Variants in GRK4 observed in about 807,000 individuals in gnomAD.
GRK4 encodes G protein-coupled receptor kinase 4.
GRK4 carries 73 observed loss-of-function variants against 77.9 expected under a neutral mutation model. That is an observed-to-expected ratio of 0.94 (90% CI 0.78 to 1.14). GRK4 has a LOEUF of 1.14. Among genes scored for constraint, GRK4 ranks in the 50% most tolerant of loss-of-function variants. GRK4 has a pLI of 0.00. For missense variants in GRK4, 729 were observed against 700.2 expected, an observed-to-expected ratio of 1.04 and a Z score of -0.46; for synonymous variants, 257 against 254.4, an observed-to-expected ratio of 1.01 and a Z score of -0.10.
intron 1 of GRK4, among the ~76,000 whole-genome samples, chr4:2,976,619 TTTTC>T (rs1161611606): frequency 4.0e-5 from 6 of 151,472 alleles, no homozygotes; most frequent in Middle Eastern, 3.4e-3. Flanking sequence ...CAAGCTTGAA[TTTTC>T]TTTCTTTCTT....
At chr4:3,032,531 C>T (rs1387057520) in intron 12 of GRK4, among the ~76,000 whole-genome samples, 5 of 152,220 alleles carry the variant, frequency 3.3e-5, no homozygotes, top group Non-Finnish European at 7.4e-5. Flanking sequence ...TGGATAGAAA[C>T]AAAGGCTCAG....
chr4:2,980,014 G>C lies in GRK4; in HGVS notation c.53-4499G>C, dbSNP rs137930588. ...GTTATTTTAGACACTCCTCCTAATGGTTCTTATCTCAGACATGTAAGCAAG... is the reference window on the plus strand; with the variant it reads ...GTTATTTTAGACACTCCTCCTAATGCTTCTTATCTCAGACATGTAAGCAAG... On this transcript the variant is annotated intron_variant, in intron 1 of 15. Coordinates refer to ENST00000398052, the MANE Select transcript of GRK4 (RefSeq NM_182982.3). Among the ~76,000 whole-genome samples the C allele has an allele frequency of 7.2e-5, 11 of 152,308 alleles. No individual in the cohort carries two copies. The East Asian group carries it at 9.6e-4, about 13-fold the overall frequency.
At chr4:2,975,357 T>G (rs961101675) in intron 1 of GRK4, among the ~76,000 whole-genome samples, 1 of 152,108 alleles carries the variant, frequency 6.6e-6, no homozygotes, top group African/African-American at 2.4e-5. Context: ...CAGACGTGGC[T>G]CCTCAGGATT....
chr4:2,964,000 C>G lies in GRK4; in HGVS notation c.-71C>G, dbSNP rs1477204722. The G allele has an allele frequency of 2.2e-6, 3 of 1,376,170 alleles. No homozygotes were observed. In the African/African-American group the frequency reaches 4.2e-5, roughly 19 times the overall value. The allele number at this position is 1,376,170 out of a possible 1,614,324, so 85.2% of individuals were successfully genotyped here. On this transcript the variant is annotated 5_prime_UTR_variant, in exon 1 of 16. Coordinates refer to ENST00000398052, the MANE Select transcript of GRK4 (RefSeq NM_182982.3). The stretch of plus-strand genomic sequence containing the variant: ...GGCGAGCTATGCACGGGGGCGGCGG[C>G]GTCTCCTCCTGTTCCGCCTCCTCAG...
At chr4:3,026,229 A>G (rs1364063007) in intron 10 of GRK4, among the ~76,000 whole-genome samples, 1 of 152,206 alleles carries the variant, frequency 6.6e-6, no homozygotes, top group Non-Finnish European at 1.5e-5. Context: ...CCAGCAGTGC[A>G]CGAGAGCACC....
chr4:3,011,988 C>A (rs569306481), intron 7 of GRK4, among the ~76,000 whole-genome samples: 4 of 152,308 alleles, frequency 2.6e-5, no homozygotes, highest in Non-Finnish European at 4.4e-5. Context: ...GCAGCGTGAT[C>A]TTGGGCCCGC....
intron 5 of GRK4, among the ~76,000 whole-genome samples, chr4:3,007,385 G>A (rs990753253): frequency 1.3e-5 from 2 of 152,190 alleles, no homozygotes; most frequent in Non-Finnish European, 2.9e-5. Context: ...GCTGAAGCCG[G>A]ACTTGCAGTG....
intron 7 of GRK4, among the ~76,000 whole-genome samples, chr4:3,010,471 C>T (rs1046010228): frequency 2.0e-5 from 3 of 152,174 alleles, no homozygotes; most frequent in Admixed American, 6.5e-5. Context: ...GGGTGATCCG[C>T]CCTCCTCAGC....
intron 7 of GRK4, among the ~76,000 whole-genome samples, chr4:3,012,384 A>G (rs1484688761): frequency 6.6e-6 from 1 of 152,226 alleles, no homozygotes; most frequent in Non-Finnish European, 1.5e-5. Flanking sequence ...CAGGGTATGT[A>G]TTCTTGCATA....
chr4:2,978,762 T>TG (rs1344386840), intron 1 of GRK4, among the ~76,000 whole-genome samples: 1 of 151,872 alleles, frequency 6.6e-6, no homozygotes, highest in Non-Finnish European at 1.5e-5. Flanking sequence ...TTGGGCAACA[T>TG]GGCAAGATCT....
At chr4:3,028,775 CT>C (rs35200515) in intron 11 of GRK4, among the ~76,000 whole-genome samples, 126 of 147,332 alleles carry the variant, frequency 8.6e-4, no homozygotes, top group East Asian at 6.1e-3. Context: ...AATTTCACAA[CT>C]TTTTTTTTTT....
chr4:3,004,381 C>A lies in GRK4; in HGVS notation c.443+47C>A, dbSNP rs149894011. 2.3e-3 allele frequency: 2,708 copies of A among 1,176,346 alleles called. 9 individuals carry two copies. Among genetic ancestry groups the A allele is most frequent in the Non-Finnish European group, 2.4e-3 (1,939 of 791,818 alleles). 72.9% of individuals were successfully genotyped at this position (1,176,346 alleles called of 1,614,324 possible). A position where few individuals can be genotyped will look rare whatever the true frequency, so the allele number is the denominator to read the frequency against. ...CTGCATATATTATCTATGACTAACC[C>A]CAAAACAGACAGCTTTCAGGAGGTT... On this transcript the variant is annotated intron_variant, in intron 5 of 15. Transcript: ENST00000398052.
At position 2,984,570 on chromosome 4, in the gene GRK4, C is replaced by A; in HGVS notation, c.110C>A (p.Pro37His). The A allele has an allele frequency of 6.2e-7, 1 of 1,612,742 alleles. No homozygotes were observed. Residue 37 changes from proline (P) to histidine (H), a missense_variant, in exon 2 of 16, where the codon CCT (proline) becomes CAT (histidine). Transcript: ENST00000398052. ...SKKWKEILTL[P>H]PVSQCSELRH... ...AAATGGAAGGAGATACTGACACTGC[C>A]TCCTGTCAGCCAGTGCAGTGAGCTT...
At chr4:3,011,911 T>C (rs529961785) in intron 7 of GRK4, among the ~76,000 whole-genome samples, 4 of 152,358 alleles carry the variant, frequency 2.6e-5, no homozygotes, top group South Asian at 2.1e-4. Flanking sequence ...CCACAGACTG[T>C]AGTGGAAAGA....
At chr4:3,003,106 A>G (rs1452494808) in intron 4 of GRK4, among the ~76,000 whole-genome samples, 4 of 152,158 alleles carry the variant, frequency 2.6e-5, no homozygotes, top group African/African-American at 7.2e-5. Context: ...GGCAACCACC[A>G]TTCTACTTTA....
chr4:3,001,132 TATATATATA>T (rs1729522947), intron 4 of GRK4, among the ~76,000 whole-genome samples: 1 of 146,024 alleles, frequency 6.8e-6, no homozygotes, highest in African/African-American at 2.5e-5. Flanking sequence ...TGTGTATGTG[TATATATATA>T]GGTATATATG....
chr4:3,011,446 A>T (rs1037764198), intron 7 of GRK4, among the ~76,000 whole-genome samples: 13 of 152,218 alleles, frequency 8.5e-5, no homozygotes, highest in African/African-American at 2.4e-4. Flanking sequence ...TAAATACATT[A>T]AAAAAGAAGA....
intron 7 of GRK4, among the ~76,000 whole-genome samples, chr4:3,012,791 G>T (rs1397254105): frequency 1.3e-5 from 2 of 152,100 alleles, no homozygotes; most frequent in East Asian, 3.9e-4. Context: ...TATGAAAATT[G>T]TGAATTCTAT....
chr4:3,021,433 G>A (rs1209313913), intron 9 of GRK4, among the ~76,000 whole-genome samples: 2 of 152,164 alleles, frequency 1.3e-5, no homozygotes, highest in African/African-American at 2.4e-5. Flanking sequence ...CTTCTTGGGA[G>A]TCCTTGATCT....
Sources: gnomAD v4.1 joint callset for allele counts (sites outside exome capture counted in the v4.1 genomes callset) on GRCh38, gnomAD v4.1.1 for gene constraint, MANE v1.5 for transcripts, NCBI Gene and HGNC (gene_info 2026-07-23, HGNC 2026-07-21) for gene names.